Variants in ATRNL1 observed in about 807,000 individuals in gnomAD.
ATRNL1 encodes the protein attractin-like protein 1.
In ATRNL1, 95 loss-of-function variants were observed where a neutral mutation model predicts 182.7. That is an observed-to-expected ratio of 0.52 (90% CI 0.44 to 0.62). ATRNL1 has a LOEUF of 0.62. ATRNL1 is among the 20% of genes least tolerant of loss of function. The pLI, the probability that ATRNL1 is intolerant of heterozygous loss-of-function variation, is 0.00. For synonymous variants in ATRNL1, 576 were observed against 568.3 expected, an observed-to-expected ratio of 1.01 and a Z score of -0.19; for missense variants, 1,471 against 1,679.5, an observed-to-expected ratio of 0.88 and a Z score of 2.17.
In ATRNL1 at chr10:115,719,425, A is replaced by C. The variant is rs569533415; in HGVS notation, c.3796-7823A>C. On this transcript the variant is annotated intron_variant, in intron 26 of 28. Coordinates refer to ENST00000355044, the MANE Select transcript of ATRNL1 (RefSeq NM_207303.4). ...TTCATCTTCAGTGTTATGAAGACTT[A>C]AGTGATTTTCTTTTGAAAAAGTGTT... 7.9e-5 allele frequency among the ~76,000 whole-genome samples: 12 copies of C among 152,310 alleles called. No individual in the cohort carries two copies. In the South Asian group the frequency reaches 2.5e-3, roughly 32 times the overall value.
At chr10:115,319,310 T>C (rs1477944722) in intron 18 of ATRNL1, among the ~76,000 whole-genome samples, 1 of 152,350 alleles carries the variant, frequency 6.6e-6, no homozygotes, top group Admixed American at 6.5e-5. Context: ...CTTCCAATTA[T>C]GTGGTCAATT....
intron 28 of ATRNL1, among the ~76,000 whole-genome samples, chr10:115,898,565 A>T (rs1431991484): frequency 6.6e-6 from 1 of 152,156 alleles, no homozygotes; most frequent in African/African-American, 2.4e-5. Context: ...GGGGCCAAGC[A>T]TGTGTCTCCT....
intron 20 of ATRNL1, among the ~76,000 whole-genome samples, chr10:115,409,811 A>G (rs1845045377): frequency 2.0e-5 from 3 of 152,190 alleles, no homozygotes. Context: ...CCTGAACAAA[A>G]CAAAAGTGTT....
intron 8 of ATRNL1, among the ~76,000 whole-genome samples, chr10:115,182,567 C>CATTTCAAAGAAAACA (rs1554887997): frequency 2.6e-5 from 4 of 151,438 alleles, no homozygotes; most frequent in Non-Finnish European, 4.4e-5. Context: ...AACATTTCAA[C>CATTTCAAAGAAAACA]TTGCTGCATA....
At chr10:115,539,424 A>G (rs1852225293) in intron 25 of ATRNL1, among the ~76,000 whole-genome samples, 1 of 152,246 alleles carries the variant, frequency 6.6e-6, no homozygotes, top group South Asian at 2.1e-4. Flanking sequence ...TATTTGGTAT[A>G]TGATATCAGC....
At chr10:115,572,489 G>T (rs1437173151) in intron 26 of ATRNL1, among the ~76,000 whole-genome samples, 1 of 152,036 alleles carries the variant, frequency 6.6e-6, no homozygotes, top group Non-Finnish European at 1.5e-5. Context: ...TCAAAAACTA[G>T]GTACATGGTG....
rs184111358 is a variant in ATRNL1 at position 115,812,326 on chromosome 10, A to G, written c.3904-35551A>G. On this transcript the variant is annotated intron_variant, in intron 27 of 28. Transcript: ENST00000355044. ...TCTATTATATTATTATTTGTTTACAAGGTTCTTGTTTGGATCTTGTTGTCC... is the reference window on the plus strand; with the variant it reads ...TCTATTATATTATTATTTGTTTACAGGGTTCTTGTTTGGATCTTGTTGTCC... Among the ~76,000 whole-genome samples the G allele has an allele frequency of 9.8e-3, 1,494 of 152,188 alleles. 32 individuals are homozygous for G. The highest frequency in any genetic ancestry group is 0.034 in the African/African-American group (1,422 of 41,526).
At position 115,093,750 on chromosome 10, in the gene ATRNL1, G is replaced by A. The variant is rs1478070364; in HGVS notation, c.-1G>A. On this transcript the variant is annotated 5_prime_UTR_variant, in exon 1 of 29. Transcript: ENST00000355044. This position sits in a 1 kb window ranked among gnomAD's most constrained non-coding sequence, Gnocchi z 6.1. ...CTCGCCGGGCAGGGGCGCCGGGGAA[G>A]ATGGAGACTGGGGGCCGGGCCCGCA... 2.8e-6 allele frequency: 4 copies of A among 1,415,118 alleles called. No individual in the cohort carries two copies. The highest frequency in any genetic ancestry group is 3.7e-6 in the Non-Finnish European group (4 of 1,092,186). The allele number at this position is 1,415,118 out of a possible 1,614,324, so 87.7% of individuals were successfully genotyped here.
At chr10:115,403,187 C>T (rs188636314) in intron 20 of ATRNL1, among the ~76,000 whole-genome samples, 327 of 150,032 alleles carry the variant, frequency 2.2e-3, no homozygotes, top group Non-Finnish European at 3.7e-3. Context: ...CAGATTCTGG[C>T]ACATACTAGG....
At chr10:115,668,280 A>T (rs1861117307) in intron 26 of ATRNL1, among the ~76,000 whole-genome samples, 1 of 152,048 alleles carries the variant, frequency 6.6e-6, no homozygotes, top group South Asian at 2.1e-4. Context: ...CAGTGGGGTA[A>T]CTTCAAAATA....
Position 115,519,256 on chromosome 10 carries a change from T to A in ATRNL1, c.3655-7T>A, listed in dbSNP as rs1205743665. ...TACTTTCAATTTTTTTTATTTTGAT[T>A]TTTCAGATTGCATTCTCACAACACA... On this transcript the variant is annotated splice_region_variant and splice_polypyrimidine_tract_variant and intron_variant, in intron 24 of 28. Coordinates refer to ENST00000355044, the MANE Select transcript of ATRNL1 (RefSeq NM_207303.4). 1.2e-6 allele frequency: 2 copies of A among 1,609,238 alleles called. No homozygotes were observed. The highest frequency in any genetic ancestry group is 1.7e-6 in the Non-Finnish European group (2 of 1,177,608).
At chr10:115,504,927 T>G (rs1237912673) in intron 24 of ATRNL1, among the ~76,000 whole-genome samples, 1 of 152,016 alleles carries the variant, frequency 6.6e-6, no homozygotes, top group Non-Finnish European at 1.5e-5. Context: ...TATAAAGACC[T>G]TTTTTTCTAT....
intron 21 of ATRNL1, among the ~76,000 whole-genome samples, chr10:115,451,292 G>T (rs1830568427): frequency 6.6e-6 from 1 of 152,060 alleles, no homozygotes; most frequent in Admixed American, 6.6e-5. Flanking sequence ...AAGAGCTTCT[G>T]CACAACAAAG....
intron 26 of ATRNL1, among the ~76,000 whole-genome samples, chr10:115,574,516 T>G (rs574689330): frequency 6.6e-6 from 1 of 152,272 alleles, no homozygotes; most frequent in African/African-American, 2.4e-5. Context: ...TCAAAAATAT[T>G]TAATATCAAA....
chr10:115,626,269 T>C (rs1858094355), intron 26 of ATRNL1, among the ~76,000 whole-genome samples: 2 of 152,210 alleles, frequency 1.3e-5, no homozygotes, highest in Admixed American at 1.3e-4. Context: ...AGTTGTTGTT[T>C]CTGGAAGGTG....
At chr10:115,739,451 C>G (rs1426179858) in intron 27 of ATRNL1, among the ~76,000 whole-genome samples, 1 of 152,144 alleles carries the variant, frequency 6.6e-6, no homozygotes, top group African/African-American at 2.4e-5. Flanking sequence ...CACCCTTCAC[C>G]TACTGTCAGA....
At chr10:115,684,510 G>T (rs531646977) in intron 26 of ATRNL1, among the ~76,000 whole-genome samples, 3 of 150,374 alleles carry the variant, frequency 2.0e-5, no homozygotes, top group East Asian at 3.9e-4. Flanking sequence ...ACAGATTTTG[G>T]TTCAGGATAT....
chr10:115,320,236 C>A (rs1199533691), intron 18 of ATRNL1, among the ~76,000 whole-genome samples: 3 of 152,096 alleles, frequency 2.0e-5, no homozygotes, highest in Non-Finnish European at 4.4e-5. Context: ...TCTCCTCTAG[C>A]TTGTAGGGTT....
At chr10:115,098,736 C>T (rs1249749885) in intron 1 of ATRNL1, among the ~76,000 whole-genome samples, 2 of 152,022 alleles carry the variant, frequency 1.3e-5, no homozygotes, top group African/African-American at 4.8e-5. Flanking sequence ...GGATTACAGG[C>T]GTGAGCCACT....
Sources: allele counts gnomAD v4.1 joint callset (sites outside exome capture counted in the v4.1 genomes callset), GRCh38; gene constraint gnomAD v4.1.1; non-coding constraint Gnocchi (gnomAD v3.1); transcripts MANE v1.5; gene names NCBI Gene and HGNC (gene_info 2026-07-23, HGNC 2026-07-21).